Variants in PRKD1 observed in about 807,000 individuals in gnomAD.
PRKD1 encodes the protein serine/threonine-protein kinase D1.
PRKD1 carries 63 observed loss-of-function variants against 95.9 expected under a neutral mutation model. That is an observed-to-expected ratio of 0.66 (90% confidence interval 0.54 to 0.81). The LOEUF (loss-of-function observed/expected upper bound fraction) is 0.81, where lower values mean the gene tolerates loss of function less well. PRKD1 is among the 30% of genes least tolerant of loss of function. The pLI, the probability that PRKD1 is intolerant of heterozygous loss-of-function variation, is 0.00. For missense variants in PRKD1, 1,048 were observed against 1,165.3 expected (o/e 0.90, Z 1.47); for synonymous variants, 425 against 423.1 (o/e 1.00, Z -0.05).
At chr14:29,882,380 G>T (rs1046151783) in intron 1 of PRKD1, among the ~76,000 whole-genome samples, 7 of 152,158 alleles carry the variant, frequency 4.6e-5, no homozygotes, top group Non-Finnish European at 1.0e-4. Flanking sequence ...CGATGATTAT[G>T]TTAAAGGCCC....
intron 1 of PRKD1, among the ~76,000 whole-genome samples, chr14:29,888,499 C>T (rs772047534): frequency 1.3e-5 from 2 of 152,054 alleles, no homozygotes; most frequent in African/African-American, 2.4e-5. Context: ...ACTTGGAACA[C>T]GGGTTGTATT....
chr14:29,799,652 T>C (rs1889947637), intron 1 of PRKD1, among the ~76,000 whole-genome samples: 1 of 152,250 alleles, frequency 6.6e-6, no homozygotes, highest in Non-Finnish European at 1.5e-5. Context: ...AATAGTTTCA[T>C]CTTCCAGGAA....
rs771413120 is a variant in PRKD1 at position 29,597,731 on chromosome 14, G to A, written c.2194C>T (p.Arg732Trp). 5 of 1,611,414 alleles carry A rather than the reference G, an allele frequency of 3.1e-6. No individual in the cohort carries two copies. The highest frequency in any genetic ancestry group is 4.5e-5 in the East Asian group (2 of 44,850). ...QVKLCDFGFA[R>W]IIGEKSFRRS... ...CGGAAAGACTTCTCTCCAATGATCC[G>A]GGCAAAACCAAAATCACAAAGTTTC... Residue 732 changes from arginine (R) to tryptophan (W), a missense_variant, in exon 16 of 18, where the codon CGG becomes TGG. By Grantham distance (101) the Arg-to-Trp change is moderately radical. Transcript: ENST00000331968.
chr14:29,832,586 GTT>G, intron 1 of PRKD1, among the ~76,000 whole-genome samples: 2 of 151,732 alleles, frequency 1.3e-5, no homozygotes, highest in Non-Finnish European at 2.9e-5. Context: ...GTAACCATAC[GTT>G]TTTCATCCAA....
intron 1 of PRKD1, among the ~76,000 whole-genome samples, chr14:29,906,421 T>G (rs2139437617): frequency 6.6e-6 from 1 of 152,002 alleles, no homozygotes; most frequent in East Asian, 1.9e-4. Context: ...CTCCAGTGGT[T>G]CCAGCTACTG....
chr14:29,713,689 T>C (rs1566556025), intron 2 of PRKD1, among the ~76,000 whole-genome samples: 2 of 152,186 alleles, frequency 1.3e-5, no homozygotes, highest in Non-Finnish European at 2.9e-5. Context: ...TATTTTATCA[T>C]AATACTGCAT....
intron 1 of PRKD1, among the ~76,000 whole-genome samples, chr14:29,790,964 C>T (rs2139193611): frequency 6.6e-6 from 1 of 152,272 alleles, no homozygotes; most frequent in Non-Finnish European, 1.5e-5. Context: ...GTCTAGGTGA[C>T]CTCAGTGAGC....
At chr14:29,840,350 C>A (rs1891786458) in intron 1 of PRKD1, among the ~76,000 whole-genome samples, 1 of 152,178 alleles carries the variant, frequency 6.6e-6, no homozygotes, top group Admixed American at 6.5e-5. Context: ...CCATCTGAGA[C>A]TACCTCAGCC....
At chr14:29,841,551 C>T (rs2139317383) in intron 1 of PRKD1, among the ~76,000 whole-genome samples, 1 of 152,254 alleles carries the variant, frequency 6.6e-6, no homozygotes. Flanking sequence ...CCTGCACAAG[C>T]TCTCTCTTTG....
intron 13 of PRKD1, among the ~76,000 whole-genome samples, chr14:29,601,100 G>A (rs1032798597): frequency 2.4e-4 from 37 of 152,154 alleles, no homozygotes; most frequent in Middle Eastern, 3.4e-3. Flanking sequence ...AAAATTGTAC[G>A]TAAAATGAAA....
chr14:29,874,553 C>G (rs1348992924), intron 1 of PRKD1, among the ~76,000 whole-genome samples: 2 of 152,176 alleles, frequency 1.3e-5, no homozygotes, highest in Admixed American at 1.3e-4. Flanking sequence ...TATTGCAGCA[C>G]TATTCACAAC....
At chr14:29,589,303 C>T (rs935794273) in intron 16 of PRKD1, among the ~76,000 whole-genome samples, 1 of 152,204 alleles carries the variant, frequency 6.6e-6, no homozygotes, top group African/African-American at 2.4e-5. Context: ...AATTATATCT[C>T]ACTTCACCAA....
chr14:29,620,301 C>G (rs1441299574), intron 13 of PRKD1, among the ~76,000 whole-genome samples: 1 of 151,824 alleles, frequency 6.6e-6, no homozygotes, highest in Non-Finnish European at 1.5e-5. Flanking sequence ...AAAGCAATGG[C>G]AACAAAAGCC....
intron 1 of PRKD1, among the ~76,000 whole-genome samples, chr14:29,898,113 A>AT (rs1300142560): frequency 1.2e-4 from 18 of 152,116 alleles, no homozygotes; most frequent in African/African-American, 4.3e-4. Context: ...AATTTAGAAG[A>AT]ATTTTTATAC....
chr14:29,872,286 A>G (rs1196007875), intron 1 of PRKD1, among the ~76,000 whole-genome samples: 3 of 152,238 alleles, frequency 2.0e-5, no homozygotes, highest in Non-Finnish European at 4.4e-5. Context: ...TTAAAATATA[A>G]TGACAAAAAT....
chr14:29,698,157 GT>G (rs938812346), intron 2 of PRKD1, among the ~76,000 whole-genome samples: 1 of 152,104 alleles, frequency 6.6e-6, no homozygotes, highest in African/African-American at 2.4e-5. Flanking sequence ...TTGAAATTAA[GT>G]TTTGGAAAAA....
intron 1 of PRKD1, among the ~76,000 whole-genome samples, chr14:29,888,056 T>G (rs1270754921): frequency 2.0e-5 from 3 of 152,182 alleles, no homozygotes. Context: ...ATTCCAGCTC[T>G]TTGGGAGGTT....
intron 2 of PRKD1, among the ~76,000 whole-genome samples, chr14:29,667,866 A>G (rs1272076429): frequency 6.6e-6 from 1 of 152,132 alleles, no homozygotes; most frequent in African/African-American, 2.4e-5. Context: ...ATTAATCAGA[A>G]GGAATATAAA....
chr14:29,794,232 T>C (rs1480735748), intron 1 of PRKD1, among the ~76,000 whole-genome samples: 2 of 151,846 alleles, frequency 1.3e-5, no homozygotes, highest in Admixed American at 6.6e-5. Flanking sequence ...CACATTAGAG[T>C]ATTTAGCAGA....
Sources: allele counts gnomAD v4.1 joint callset (sites outside exome capture counted in the v4.1 genomes callset), GRCh38; gene constraint gnomAD v4.1.1; transcripts MANE v1.5; gene names NCBI Gene and HGNC (gene_info 2026-07-23, HGNC 2026-07-21).